The following CCSER1 variants were observed in gnomAD, a reference collection of about 807,000 sequenced individuals.
CCSER1 encodes serine-rich coiled-coil domain-containing protein 1.
CCSER1 carries 41 observed loss-of-function variants against 82.0 expected under a neutral mutation model. That is an observed-to-expected ratio of 0.50 (90% CI 0.39 to 0.65). The LOEUF is 0.65. CCSER1 is among the 30% of genes least tolerant of loss of function. The pLI, the probability that CCSER1 is intolerant of heterozygous loss-of-function variation, is 0.00. For synonymous variants in CCSER1, 414 were observed against 383.9 expected (o/e 1.08, Z -0.92); for missense variants, 1,119 against 1,064.2 (o/e 1.05, Z -0.72).
intron 5 of CCSER1, among the ~76,000 whole-genome samples, chr4:90,588,486 T>A (rs754461000): frequency 6.6e-6 from 1 of 152,208 alleles, no homozygotes; most frequent in Admixed American, 6.5e-5. Flanking sequence ...TTCAGTTACT[T>A]CTTTAGGCTC....
At chr4:90,440,518 T>C (rs1049343098) in intron 4 of CCSER1, among the ~76,000 whole-genome samples, 1 of 152,316 alleles carries the variant, frequency 6.6e-6, no homozygotes, top group Admixed American at 6.5e-5. Flanking sequence ...ATAATTATCC[T>C]TGGCTACAAG....
intron 10 of CCSER1, among the ~76,000 whole-genome samples, chr4:91,461,178 A>C (rs1756479645): frequency 6.6e-6 from 1 of 152,240 alleles, no homozygotes. Context: ...TCTATGGCTA[A>C]AACACAGAAA....
At chr4:90,998,134 G>A (rs1737662848) in intron 9 of CCSER1, among the ~76,000 whole-genome samples, 1 of 151,696 alleles carries the variant, frequency 6.6e-6, no homozygotes, top group Non-Finnish European at 1.5e-5. Context: ...AGGCTTTAGT[G>A]CAATGGCGCG....
intron 10 of CCSER1, among the ~76,000 whole-genome samples, chr4:91,448,934 A>G (rs1408343381): frequency 6.6e-6 from 1 of 152,058 alleles, no homozygotes; most frequent in Non-Finnish European, 1.5e-5. Flanking sequence ...TGAAACAAAT[A>G]AGAGGGAATA....
intron 10 of CCSER1, among the ~76,000 whole-genome samples, chr4:91,248,887 ACT>A (rs1343462305): frequency 6.6e-6 from 1 of 152,082 alleles, no homozygotes; most frequent in Admixed American, 6.5e-5. Context: ...TTTTTTGGTA[ACT>A]CTATTCTAAA....
At chr4:91,125,955 T>A (rs1727475376) in intron 10 of CCSER1, among the ~76,000 whole-genome samples, 2 of 151,616 alleles carry the variant, frequency 1.3e-5, no homozygotes, top group African/African-American at 4.8e-5. Context: ...TTTAAAAAAA[T>A]TTGCTTTCAT....
chr4:90,248,115 A>C (rs72877727), intron 1 of CCSER1, among the ~76,000 whole-genome samples: 6,815 of 152,218 alleles, frequency 0.045, 396 homozygotes, highest in African/African-American at 0.13. Flanking sequence ...TTAGATTTAT[A>C]GGTTTCAAAG....
chr4:91,396,878 A>G (rs1409256274), intron 10 of CCSER1, among the ~76,000 whole-genome samples: 1 of 152,018 alleles, frequency 6.6e-6, no homozygotes, highest in African/African-American at 2.4e-5. Flanking sequence ...GCCTGATAAG[A>G]TAGAAGCCAC....
intron 8 of CCSER1, among the ~76,000 whole-genome samples, chr4:90,854,000 T>C (rs1410008396): frequency 2.6e-5 from 4 of 152,122 alleles, no homozygotes; most frequent in African/African-American, 9.7e-5. Context: ...AAAAGGAAAG[T>C]TCAGAGAAGT....
At chr4:90,444,636 T>C (rs1450681995) in intron 4 of CCSER1, among the ~76,000 whole-genome samples, 1 of 152,082 alleles carries the variant, frequency 6.6e-6, no homozygotes, top group East Asian at 1.9e-4. Flanking sequence ...AGGTTAGTAT[T>C]ATTAAGGACA....
At chr4:91,507,174 C>A (rs1307389738) in intron 10 of CCSER1, among the ~76,000 whole-genome samples, 2 of 152,048 alleles carry the variant, frequency 1.3e-5, no homozygotes, top group African/African-American at 4.8e-5. Flanking sequence ...CACATGGTAA[C>A]TTTATATTTA....
intron 10 of CCSER1, among the ~76,000 whole-genome samples, chr4:91,400,690 T>C (rs983336356): frequency 2.6e-5 from 4 of 151,570 alleles, no homozygotes; most frequent in East Asian, 3.9e-4. Context: ...GATTATATCA[T>C]TTGTATAATT....
intron 5 of CCSER1, among the ~76,000 whole-genome samples, chr4:90,493,325 G>T (rs1388333777): frequency 6.6e-6 from 1 of 152,172 alleles, no homozygotes; most frequent in African/African-American, 2.4e-5. Context: ...ATGGAACCAA[G>T]TTGGAAAACT....
At chr4:90,736,509 A>G (rs1413593043) in intron 7 of CCSER1, among the ~76,000 whole-genome samples, 1 of 151,862 alleles carries the variant, frequency 6.6e-6, no homozygotes, top group Non-Finnish European at 1.5e-5. Flanking sequence ...ACCTTTTCTG[A>G]TATAAGTATA....
intron 9 of CCSER1, among the ~76,000 whole-genome samples, chr4:90,931,281 T>C (rs1729777262): frequency 6.6e-6 from 1 of 151,882 alleles, no homozygotes; most frequent in African/African-American, 2.4e-5. Context: ...TCTTTAATTT[T>C]TCTGTGTATA....
intron 7 of CCSER1, among the ~76,000 whole-genome samples, chr4:90,803,546 C>CT (rs1757106753): frequency 6.6e-6 from 1 of 152,122 alleles, no homozygotes; most frequent in Non-Finnish European, 1.5e-5. Flanking sequence ...TGAACTCATC[C>CT]TTTTTTATGG....
At chr4:91,064,140 A>T (rs989530285) in intron 9 of CCSER1, among the ~76,000 whole-genome samples, 2 of 152,202 alleles carry the variant, frequency 1.3e-5, no homozygotes, top group African/African-American at 2.4e-5. Flanking sequence ...ATACAGGGAA[A>T]CATTAATTTT....
chr4:91,471,265 C>G (rs1324644036), intron 10 of CCSER1, among the ~76,000 whole-genome samples: 2 of 152,216 alleles, frequency 1.3e-5, no homozygotes, highest in Admixed American at 6.5e-5. Context: ...GATAAGAACA[C>G]TATGGAGAAA....
chr4:90,898,568 G>T (rs1724116473), intron 8 of CCSER1, among the ~76,000 whole-genome samples: 1 of 151,636 alleles, frequency 6.6e-6, no homozygotes, highest in African/African-American at 2.4e-5. Context: ...AATTACAGGT[G>T]TGAGCCACCA....
Sources: gnomAD v4.1 joint callset for allele counts (sites outside exome capture counted in the v4.1 genomes callset) on GRCh38, gnomAD v4.1.1 for gene constraint, MANE v1.5 for transcripts, NCBI Gene and HGNC (gene_info 2026-07-23, HGNC 2026-07-21) for gene names.